Variants in NAV2 observed in about 807,000 individuals in gnomAD.
NAV2 encodes helicase, APC down-regulated 1.
Under a neutral mutation model 223.2 loss-of-function variants are expected in NAV2, and 54 were observed. The ratio of observed to expected loss-of-function variants is 0.24; its 90% CI spans 0.19 to 0.30. NAV2 has a LOEUF of 0.30. Ranked by LOEUF, NAV2 falls within the 10% of genes least tolerant of loss-of-function variation. The pLI, the probability that NAV2 is intolerant of heterozygous loss-of-function variation, is 1.00. For synonymous variants in NAV2, 1,279 were observed against 1,239.3 expected (o/e 1.03, Z -0.67); for missense variants, 2,806 against 3,147.5 (o/e 0.89, Z 2.60).
intron 1 of NAV2, among the ~76,000 whole-genome samples, chr11:19,578,685 A>G (rs2045633330): frequency 6.6e-6 from 1 of 152,228 alleles, no homozygotes; most frequent in Admixed American, 6.5e-5. Context: ...TATGTTGACC[A>G]TCTAGGTCAG....
intron 1 of NAV2, among the ~76,000 whole-genome samples, chr11:19,387,186 A>G (rs11603202): frequency 0.094 from 14,323 of 152,186 alleles, 970 homozygotes; most frequent in Non-Finnish European, 0.14. Context: ...ATCGTTTAAA[A>G]TTTTCCATAT....
At chr11:19,624,464 C>T (rs1438364520) in intron 1 of NAV2, among the ~76,000 whole-genome samples, 1 of 152,196 alleles carries the variant, frequency 6.6e-6, no homozygotes, top group African/African-American at 2.4e-5. Flanking sequence ...GCGGGTGCCC[C>T]TCCCCCAGCC....
At chr11:19,736,864 C>T (rs1415859096) in intron 1 of NAV2, among the ~76,000 whole-genome samples, 2 of 152,234 alleles carry the variant, frequency 1.3e-5, no homozygotes, top group African/African-American at 2.4e-5. Context: ...GCCACAACCA[C>T]CTCCCCTAGG....
At chr11:19,932,452 G>A (rs2045464670) in intron 6 of NAV2, among the ~76,000 whole-genome samples, 1 of 152,038 alleles carries the variant, frequency 6.6e-6, no homozygotes. Context: ...CCAAGTAGCT[G>A]GGATTACAGG....
intron 11 of NAV2, among the ~76,000 whole-genome samples, chr11:19,985,773 A>G (rs1314622848): frequency 6.6e-6 from 1 of 152,008 alleles, no homozygotes; most frequent in Non-Finnish European, 1.5e-5. Flanking sequence ...ACGGGGTTTC[A>G]CCATGTTGGC....
intron 36 of NAV2, among the ~76,000 whole-genome samples, chr11:20,111,360 GTC>G (rs1288707680): frequency 6.6e-6 from 1 of 152,220 alleles, no homozygotes; most frequent in Non-Finnish European, 1.5e-5. Context: ...CTGTCCAGAT[GTC>G]TCTGCTGCTG....
At chr11:19,928,974 G>C (rs1165261684) in intron 6 of NAV2, among the ~76,000 whole-genome samples, 1 of 152,098 alleles carries the variant, frequency 6.6e-6, no homozygotes, top group South Asian at 2.1e-4. Flanking sequence ...GACAAAGAAG[G>C]CCAGGCGCGG....
At chr11:20,103,760 G>C in intron 34 of NAV2, 36 bp downstream of exon 34, 1 of 1,589,062 alleles carries the variant, frequency 6.3e-7, no homozygotes, top group African/African-American at 1.3e-5. Flanking sequence ...TTAAACAATG[G>C]AATCACAAAG....
intron 24 of NAV2, 140 bp downstream of exon 24, chr11:20,078,244 A>C: frequency 1.5e-6 from 1 of 683,774 alleles, no homozygotes; most frequent in South Asian, 1.7e-5. Flanking sequence ...AGGAACTGGA[A>C]GGCAAACACC....
At chr11:19,603,893 G>A (rs2046412966) in intron 1 of NAV2, among the ~76,000 whole-genome samples, 1 of 152,102 alleles carries the variant, frequency 6.6e-6, no homozygotes, top group African/African-American at 2.4e-5. Flanking sequence ...GAGCCTGAAG[G>A]AAGGGAGGGA....
chr11:19,545,215 C>A (rs987955249), intron 1 of NAV2, among the ~76,000 whole-genome samples: 22 of 152,212 alleles, frequency 1.4e-4, no homozygotes, highest in African/African-American at 5.3e-4. Context: ...CTACCCAGAC[C>A]TAACTGGCAA....
intron 1 of NAV2, among the ~76,000 whole-genome samples, chr11:19,573,222 G>A (rs771283522): frequency 4.6e-5 from 7 of 151,846 alleles, no homozygotes; most frequent in African/African-American, 1.7e-4. Flanking sequence ...TCTTCTCAGT[G>A]AGCCCATCCC....
intron 1 of NAV2, among the ~76,000 whole-genome samples, chr11:19,577,177 T>A (rs893160916): frequency 7.2e-5 from 11 of 152,262 alleles, no homozygotes; most frequent in Admixed American, 6.5e-4. Context: ...ATATCTTTAT[T>A]TATCACATGA....
upstream of NAV2, among the ~76,000 whole-genome samples, chr11:19,345,816 A>G (rs1269593563): frequency 6.6e-6 from 1 of 150,930 alleles, no homozygotes; most frequent in Non-Finnish European, 1.5e-5. The surrounding 1 kb of genome is among the most constrained non-coding windows in gnomAD (Gnocchi z 5.2). Context: ...AGGCTGTGCC[A>G]CCTCCTGTGC....
intron 11 of NAV2, among the ~76,000 whole-genome samples, chr11:20,001,398 G>A (rs2052529226): frequency 6.6e-6 from 1 of 152,002 alleles, no homozygotes; most frequent in South Asian, 2.1e-4. Flanking sequence ...TTATCACTGG[G>A]TTTTCAGGAC....
At chr11:19,982,592 A>C (rs7112965) in intron 10 of NAV2, among the ~76,000 whole-genome samples, 31,878 of 152,006 alleles carry the variant, frequency 0.21, 3,434 homozygotes, top group African/African-American at 0.27. Context: ...CAGATTTCTC[A>C]TTATGTTGAT....
intron 12 of NAV2, among the ~76,000 whole-genome samples, chr11:20,042,960 T>C (rs1331423845): frequency 6.6e-6 from 1 of 152,184 alleles, no homozygotes; most frequent in Non-Finnish European, 1.5e-5. Context: ...TTCTGGGTTT[T>C]ATGGCCAGCA....
intron 1 of NAV2, chr11:19,380,544 T>C (rs1341779018): frequency 6.6e-6 from 1 of 152,240 alleles, no homozygotes; most frequent in South Asian, 2.1e-4. Context: ...ACATTCTCCA[T>C]GACAGCAGGC....
intron 1 of NAV2, among the ~76,000 whole-genome samples, chr11:19,792,446 A>G (rs2152731948): frequency 6.6e-6 from 1 of 152,340 alleles, no homozygotes; most frequent in South Asian, 2.1e-4. Context: ...TTGGTAAATG[A>G]GAATGGTTTT....
Sources: allele counts gnomAD v4.1 joint callset (sites outside exome capture counted in the v4.1 genomes callset), GRCh38; gene constraint gnomAD v4.1.1; non-coding constraint Gnocchi (gnomAD v3.1); transcripts MANE v1.5; gene names NCBI Gene and HGNC (gene_info 2026-07-23, HGNC 2026-07-21).